Variants in USP15 observed in about 807,000 individuals in gnomAD.
USP15 encodes ubiquitin specific peptidase 15, also known as ubiquitin carboxyl-terminal hydrolase 15.
A neutral mutation model predicts 127.1 loss-of-function variants in USP15; 18 were observed. The observed-to-expected ratio is 0.14, with a 90% CI of 0.10 to 0.21. The LOEUF is 0.21. USP15 is among the 10% of genes least tolerant of loss of function. The pLI is 1.00. For missense variants in USP15, 805 were observed against 1,159.9 expected (o/e 0.69, Z 4.44); for synonymous variants, 364 against 393.7 (o/e 0.92, Z 0.89).
At chr12:62,397,718 G>A (rs2067539019) in intron 20 of USP15, among the ~76,000 whole-genome samples, 2 of 151,660 alleles carry the variant, frequency 1.3e-5, no homozygotes, top group Non-Finnish European at 2.9e-5. Context: ...TTAGTTGGGT[G>A]TGGTGGCACG....
chr12:62,370,201 G>A (rs911645329), intron 8 of USP15, among the ~76,000 whole-genome samples: 1 of 152,116 alleles, frequency 6.6e-6, no homozygotes, highest in African/African-American at 2.4e-5. Flanking sequence ...AAAGTGCTGG[G>A]ATTACAGGCA....
intron 5 of USP15, 22 bp downstream of exon 5, chr12:62,321,631 C>T: frequency 1.3e-6 from 2 of 1,518,522 alleles, no homozygotes; most frequent in Admixed American, 2.2e-5. Context: ...TTTAAGCATA[C>T]TGTATTATAC....
At chr12:62,339,159 A>G (rs1167094724) in intron 6 of USP15, among the ~76,000 whole-genome samples, 1 of 152,008 alleles carries the variant, frequency 6.6e-6, no homozygotes, top group African/African-American at 2.4e-5. Context: ...GCAGTTATGA[A>G]TGGGAGTTCA....
In USP15 at chr12:62,407,385, G is replaced by A. The variant is rs1384220870; in HGVS notation, c.*3010G>A. On this transcript the variant is annotated 3_prime_UTR_variant, in exon 22 of 22. Coordinates refer to ENST00000280377, the MANE Select transcript of USP15 (RefSeq NM_001252078.2). Reference sequence around the variant, plus strand: ...ATAGGATTGTTGAGAGCTCAAATGAGATCATGTATTTTATGGGAAGAGCTT... The same window carrying A: ...ATAGGATTGTTGAGAGCTCAAATGAAATCATGTATTTTATGGGAAGAGCTT... 3 of 152,268 alleles carry A rather than the reference G, an allele frequency of 2.0e-5. No individual in the cohort carries two copies. In the East Asian group the frequency reaches 5.8e-4, roughly 29 times the overall value. 9.4% of individuals were successfully genotyped at this position (152,268 alleles called of 1,614,324 possible). A position where few individuals can be genotyped will look rare whatever the true frequency, so the allele number is the denominator to read the frequency against.
At chr12:62,340,855 AT>A (rs142949800) in intron 6 of USP15, among the ~76,000 whole-genome samples, 34,042 of 152,044 alleles carry the variant, frequency 0.22, 4,143 homozygotes, top group African/African-American at 0.33. Context: ...TATTCTGTTG[AT>A]TAGTGGTGAA....
chr12:62,326,598 C>T (rs1203256973), intron 6 of USP15, among the ~76,000 whole-genome samples: 1 of 152,128 alleles, frequency 6.6e-6, no homozygotes, highest in African/African-American at 2.4e-5. Context: ...CAAATATTCA[C>T]ACTAAGTGGG....
At chr12:62,330,926 C>T (rs1330384954) in intron 6 of USP15, among the ~76,000 whole-genome samples, 1 of 84,198 alleles carries the variant, frequency 1.2e-5, no homozygotes, top group African/African-American at 4.3e-5. Context: ...ACTCTGTCTC[C>T]AAAAAGGAAA....
chr12:62,353,952 C>T (rs930880071), intron 7 of USP15, among the ~76,000 whole-genome samples: 2 of 151,912 alleles, frequency 1.3e-5, no homozygotes, highest in South Asian at 2.1e-4. Flanking sequence ...ATTTCTTTGG[C>T]GCCTGCTGTT....
intron 3 of USP15, among the ~76,000 whole-genome samples, chr12:62,304,298 T>A (rs1472127605): frequency 6.6e-6 from 1 of 152,226 alleles, no homozygotes; most frequent in Non-Finnish European, 1.5e-5. Flanking sequence ...GACCACATAC[T>A]TATTTTTAAC....
intron 6 of USP15, chr12:62,336,523 A>G: frequency 2.0e-6 from 2 of 976,630 alleles, no homozygotes; most frequent in South Asian, 9.5e-5. Context: ...TTAAAGATCC[A>G]AAGAACTTCT....
rs1017399808 is a variant in USP15 at position 62,408,958 on chromosome 12, T to C, written c.*4583T>C. On this transcript the variant is annotated 3_prime_UTR_variant, in exon 22 of 22. Transcript: ENST00000280377. ...AAATTGAGTTATTTTATAAGCTACA[T>C]AGAATACATCAAAATTTTATAAGCT... The C allele has an allele frequency of 1.3e-5, 2 of 152,108 alleles. No individual in the cohort carries two copies. Among genetic ancestry groups the C allele is most frequent in the Admixed American group, 1.3e-4 (2 of 15,248 alleles). 9.4% of individuals were successfully genotyped at this position (152,108 alleles called of 1,614,324 possible). A position where few individuals can be genotyped will look rare whatever the true frequency, so the allele number is the denominator to read the frequency against.
chr12:62,289,983 T>C (rs948329326), intron 1 of USP15, among the ~76,000 whole-genome samples: 1 of 151,974 alleles, frequency 6.6e-6, no homozygotes, highest in African/African-American at 2.4e-5. Context: ...ATACTTGATA[T>C]GATTTCAATT....
chr12:62,333,232 A>G lies in USP15; in HGVS notation c.683+7299A>G, dbSNP rs117219717. Among the ~76,000 whole-genome samples, 387 of 152,278 alleles carry G rather than the reference A, an allele frequency of 2.5e-3. 2 individuals carry two copies. Among genetic ancestry groups the G allele is most frequent in the Non-Finnish European group, 5.0e-3 (337 of 68,014 alleles). The stretch of plus-strand genomic sequence containing the variant: ...CAATTTGAAATGCAATCTGTGAACC[A>G]TAAATCTAGAGTGATACTCCAAAAT... On this transcript the variant is annotated intron_variant, in intron 6 of 21. Coordinates refer to ENST00000280377, the MANE Select transcript of USP15 (RefSeq NM_001252078.2).
At chr12:62,311,932 G>A (rs187664366) in intron 3 of USP15, among the ~76,000 whole-genome samples, 8 of 151,916 alleles carry the variant, frequency 5.3e-5, no homozygotes, top group Admixed American at 4.6e-4. Context: ...TTTTTTAGGT[G>A]TGATGATGGT....
chr12:62,369,942 C>T (rs1160605044), intron 8 of USP15, among the ~76,000 whole-genome samples: 4 of 152,178 alleles, frequency 2.6e-5, no homozygotes, highest in East Asian at 3.9e-4. Flanking sequence ...ATCCCTGAGA[C>T]CTGTTCCCTT....
intron 1 of USP15, among the ~76,000 whole-genome samples, chr12:62,292,894 G>C (rs747465504): frequency 9.2e-5 from 14 of 152,180 alleles, no homozygotes; most frequent in Non-Finnish European, 1.9e-4. Flanking sequence ...TGCCACTGCT[G>C]CCTGCTGAGT....
At chr12:62,364,980 C>A (rs2066432009) in intron 8 of USP15, among the ~76,000 whole-genome samples, 1 of 152,056 alleles carries the variant, frequency 6.6e-6, no homozygotes, top group Non-Finnish European at 1.5e-5. Context: ...GGGTTGGTTC[C>A]AAGACTTTGC....
chr12:62,336,339 C>G (rs1392420364), intron 6 of USP15: 1 of 985,284 alleles, frequency 1.0e-6, no homozygotes, highest in Non-Finnish European at 1.2e-6. Flanking sequence ...CTCCCATCCC[C>G]TCAACCTAAA....
chr12:62,399,448 T>A (rs1026791464), intron 20 of USP15, among the ~76,000 whole-genome samples: 1 of 152,166 alleles, frequency 6.6e-6, no homozygotes, highest in African/African-American at 2.4e-5. Context: ...GCAATAAGAC[T>A]CTGATTCAGG....
Sources: gnomAD v4.1 joint callset for allele counts (sites outside exome capture counted in the v4.1 genomes callset) on GRCh38, gnomAD v4.1.1 for gene constraint, MANE v1.5 for transcripts, NCBI Gene and HGNC (gene_info 2026-07-23, HGNC 2026-07-21) for gene names.